YJEFN3: variants seen among roughly 807,000 people sequenced by gnomAD.
YJEFN3 encodes the protein YjeF N-terminal domain containing 3, also known as yjeF N-terminal domain-containing protein 3.
YJEFN3 carries 29 observed loss-of-function variants against 31.5 expected under a neutral mutation model. That is an observed-to-expected ratio of 0.92 (90% CI 0.69 to 1.26). YJEFN3 has a LOEUF of 1.26. Among genes scored for constraint, YJEFN3 ranks in the 50% most tolerant of loss-of-function variants. The pLI is 0.00. For missense variants in YJEFN3, 442 were observed against 425.4 expected (o/e 1.04, Z -0.34); for synonymous variants, 227 against 196.1 (o/e 1.16, Z -1.32).
intron 6 of YJEFN3, 89 bp downstream of exon 6, chr19:19,535,768 G>T: frequency 6.8e-7 from 1 of 1,479,280 alleles, no homozygotes. Flanking sequence ...CTGCCTGTCT[G>T]AACCTCAATC....
intron 2 of YJEFN3, among the ~76,000 whole-genome samples, chr19:19,530,910 T>C (rs1028816771): frequency 6.6e-6 from 1 of 152,214 alleles, no homozygotes; most frequent in Admixed American, 6.5e-5. Context: ...CTTCACCATG[T>C]TCCTCAGTCT....
Position 19,535,117 on chromosome 19 carries a change from G to A in YJEFN3, c.402G>A (p.Leu134=), listed in dbSNP as rs2061194958. The part of the protein sequence containing the change: ...CGPEQNGAVG[L]VCARHLRVFE... Reference sequence around the variant, plus strand: ...CGGAGCAGAACGGGGCAGTGGGGCTGGTCTGTGCCCGGCACCTGCGGGTGT... The same window carrying A: ...CGGAGCAGAACGGGGCAGTGGGGCTAGTCTGTGCCCGGCACCTGCGGGTGT... Residue 134 remains leucine (L), a synonymous_variant, in exon 4 of 7, where the codon CTG becomes CTA. Coordinates refer to ENST00000514277, the MANE Select transcript of YJEFN3 (RefSeq NM_198537.4). 1 of 1,610,646 alleles carries A rather than the reference G, an allele frequency of 6.2e-7. No homozygotes were observed. Among genetic ancestry groups the A allele is most frequent in the Admixed American group, 1.7e-5 (1 of 59,624 alleles).
intron 6 of YJEFN3, chr19:19,535,976 C>T: frequency 1.8e-6 from 1 of 567,978 alleles, no homozygotes; most frequent in Non-Finnish European, 3.1e-6. Context: ...AAGGCCGCGC[C>T]CGCCCTGGCT....
chr19:19,530,712 C>T (rs973355245), intron 2 of YJEFN3, among the ~76,000 whole-genome samples: 4 of 152,150 alleles, frequency 2.6e-5, no homozygotes, highest in Non-Finnish European at 4.4e-5. Context: ...TGGCCTGCCC[C>T]GGGGGGACTC....
chr19:19,536,232 G>T (rs972993678), intron 6 of YJEFN3, among the ~76,000 whole-genome samples: 4 of 152,206 alleles, frequency 2.6e-5, no homozygotes, highest in African/African-American at 9.7e-5. Flanking sequence ...GGTCAGAGGG[G>T]ATGGTTAGGA....
rs768953478 is a variant in YJEFN3 at position 19,537,390 on chromosome 19, C to T, written c.766C>T (p.Pro256Ser). 6.3e-7 allele frequency: 1 copy of T among 1,593,594 alleles called. No homozygotes were observed. The highest frequency in any genetic ancestry group is 2.2e-5 in the East Asian group (1 of 44,448). Reference protein sequence around the residue: ...RPDVLVSLAAPKRCAGRFSGR... With the variant: ...RPDVLVSLAASKRCAGRFSGR... ...TGACGTGCTGGTGTCTCTCGCGGCG[C>T]CCAAGCGCTGCGCTGGCCGCTTCTC... The change falls in exon 7 of 7, where the codon CCC becomes TCC. Residue 256 changes from proline (P) to serine (S), a missense_variant. Physicochemically the swap from Pro to Ser is moderately conservative, Grantham distance 74. Transcript: ENST00000514277.
rs139947478 is a variant in YJEFN3, at chr19:19,534,076, G to A, written c.319-958G>A. ...CCTGTCAGGCGGTGGCACTGTCATC[G>A]CATTTGATAAAGGCCAAACTGAGTC... On this transcript the variant is annotated intron_variant, in intron 3 of 6. Coordinates refer to ENST00000514277, the MANE Select transcript of YJEFN3 (RefSeq NM_198537.4). This position sits in a 1 kb window ranked among gnomAD's most constrained non-coding sequence, Gnocchi z 4.6. 420 of 985,582 alleles carry A rather than the reference G, an allele frequency of 4.3e-4. 1 individual carries two copies. In the African/African-American group the frequency reaches 6.7e-3, roughly 16 times the overall value. The allele number at this position is 985,582 out of a possible 1,614,324, so 61.1% of individuals were successfully genotyped here. A position where few individuals can be genotyped will look rare whatever the true frequency, so the allele number is the denominator to read the frequency against.
chr19:19,537,226 G>A (rs1171467495), intron 6 of YJEFN3, 93 bp from the exon 7 acceptor site: 1 of 1,187,774 alleles, frequency 8.4e-7, no homozygotes, highest in Non-Finnish European at 1.2e-6. Context: ...CAGTGTTGGA[G>A]GGGAGAGGAG....
Position 19,534,813 on chromosome 19 carries a change from A to C in YJEFN3, c.319-221A>C. 1 of 405,260 alleles carries C rather than the reference A, an allele frequency of 2.5e-6. No individual in the cohort carries two copies. The highest frequency in any genetic ancestry group is 4.4e-6 in the Non-Finnish European group (1 of 229,182). The allele number at this position is 405,260 out of a possible 1,614,324, so 25.1% of individuals were successfully genotyped here. On this transcript the variant is annotated intron_variant, in intron 3 of 6. Transcript: ENST00000514277. The surrounding 1 kb of genome is among the most constrained non-coding windows in gnomAD (Gnocchi z 4.6). ...GTGGCTGGATGCACGTTTTTCCTGC[A>C]CCGACCTGGCAGAGCCTGAGACCGG...
At chr19:19,532,868 G>C in intron 3 of YJEFN3, 128 bp downstream of exon 3, 1 of 1,088,630 alleles carries the variant, frequency 9.2e-7, no homozygotes, top group Non-Finnish European at 1.3e-6. Flanking sequence ...ACCCCAGCCT[G>C]ATGGGTAAAC....
intron 2 of YJEFN3, 91 bp downstream of exon 2, chr19:19,529,604 C>A: frequency 6.6e-7 from 1 of 1,525,448 alleles, no homozygotes; most frequent in Non-Finnish European, 8.8e-7. Context: ...CCAGGCAAGG[C>A]TGTTGACCTC....
intron 2 of YJEFN3, among the ~76,000 whole-genome samples, 172 bp downstream of exon 2, chr19:19,529,685 AT>A (rs1217574246): frequency 1.3e-5 from 2 of 152,108 alleles, no homozygotes; most frequent in Non-Finnish European, 2.9e-5. Context: ...CCCTCAGCCG[AT>A]GTCCAGACTC....
chr19:19,536,009 C>G, intron 6 of YJEFN3: 1 of 541,912 alleles, frequency 1.8e-6, no homozygotes, highest in Non-Finnish European at 3.2e-6. Context: ...CTGTTGGAAC[C>G]ATTAGGCGAC....
intron 1 of YJEFN3, 118 bp from the exon 2 acceptor site, chr19:19,529,246 G>A: frequency 1.4e-6 from 2 of 1,455,806 alleles, no homozygotes; most frequent in South Asian, 1.5e-5. Context: ...ACTAAGCTGC[G>A]TTGCTGGGGA....
In YJEFN3 at chr19:19,534,090, C is replaced by T. The variant is rs1162919473; in HGVS notation, c.319-944C>T. ...GCACTGTCATCGCATTTGATAAAGG[C>T]CAAACTGAGTCTGGGAGAGAAGGGG... is the stretch of plus-strand genomic sequence containing the variant. On this transcript the variant is annotated intron_variant, in intron 3 of 6. Transcript: ENST00000514277. The surrounding 1 kb of genome is among the most constrained non-coding windows in gnomAD (Gnocchi z 4.6). The T allele has an allele frequency of 1.6e-5, 16 of 985,474 alleles. No homozygotes were observed. The highest frequency in any genetic ancestry group is 1.9e-5 in the Non-Finnish European group (16 of 830,042). 61.0% of individuals were successfully genotyped at this position (985,474 alleles called of 1,614,324 possible).
chr19:19,528,973 A>C lies in YJEFN3; in HGVS notation c.41A>C (p.Glu14Ala). 1 of 1,550,426 alleles carries C rather than the reference A, an allele frequency of 6.4e-7. No individual in the cohort carries two copies. Among genetic ancestry groups the C allele is most frequent in the Non-Finnish European group, 8.7e-7 (1 of 1,146,806 alleles). ...AAGPDPSEAP[E>A]ERHFLRALEL... ...GGCCCAGACCCGTCGGAGGCGCCCG[A>C]AGAGCGGCATTTCCTCAGGTCAGCT... Residue 14 changes from glutamate to alanine, a missense_variant, in exon 1 of 7, where the codon GAA becomes GCA. Coordinates refer to ENST00000514277, the MANE Select transcript of YJEFN3 (RefSeq NM_198537.4).
chr19:19,529,075 G>C (rs956990990), intron 1 of YJEFN3, 84 bp downstream of exon 1: 4 of 1,526,082 alleles, frequency 2.6e-6, no homozygotes, highest in Non-Finnish European at 2.6e-6. Context: ...CAGGGTCATA[G>C]CTGGGACAGA....
intron 6 of YJEFN3, 126 bp from the exon 7 acceptor site, chr19:19,537,193 A>T: frequency 1.2e-6 from 1 of 853,052 alleles, no homozygotes; most frequent in Non-Finnish European, 1.8e-6. Context: ...GGGCAGCAGG[A>T]CTCTGGTCTG....
chr19:19,533,631 C>T (rs2061179936), intron 3 of YJEFN3: 3 of 981,244 alleles, frequency 3.1e-6, no homozygotes, highest in Non-Finnish European at 3.6e-6. Flanking sequence ...CCATTCTCTC[C>T]CTCCTCACCC....
Sources: allele counts gnomAD v4.1 joint callset (sites outside exome capture counted in the v4.1 genomes callset), GRCh38; gene constraint gnomAD v4.1.1; non-coding constraint Gnocchi (gnomAD v3.1); transcripts MANE v1.5; gene names NCBI Gene and HGNC (gene_info 2026-07-23, HGNC 2026-07-21).